Variants in INTS1 observed in about 807,000 individuals in gnomAD.
INTS1 encodes the protein integrator complex subunit 1.
Under a neutral mutation model 241.6 loss-of-function variants are expected in INTS1, and 137 were observed. The observed-to-expected ratio is 0.57, with a 90% CI of 0.49 to 0.65. The LOEUF (loss-of-function observed/expected upper bound fraction) is 0.65. Ranked by LOEUF, INTS1 falls within the 30% of genes least tolerant of loss-of-function variation. The pLI is 0.00. For missense variants in INTS1, 3,073 were observed against 3,032.2 expected (o/e 1.01, Z -0.32); for synonymous variants, 1,692 against 1,337.8 (o/e 1.26, Z -5.78).
Position 1,493,963 on chromosome 7 carries a change from C to A in INTS1, c.1911-52G>T. ...GTGTGGGCTGCCCACACCTGCCAGA[C>A]CTGAGGGGCCGAGGACAGGCCAGCT... On this transcript the variant is annotated intron_variant, in intron 14 of 47. Transcript: ENST00000404767. The surrounding 1 kb of genome is among the most constrained non-coding windows in gnomAD (Gnocchi z 5.3). The A allele has an allele frequency of 6.6e-7, 1 of 1,520,924 alleles. No homozygotes were observed. 94.2% of individuals were successfully genotyped at this position (1,520,924 alleles called of 1,614,324 possible). A position where few individuals can be genotyped will look rare whatever the true frequency, so the allele number is the denominator to read the frequency against.
chr7:1,504,350 C>A lies in INTS1; in HGVS notation c.-69G>T. On this transcript the variant is annotated 5_prime_UTR_variant, in exon 1 of 48. Transcript: ENST00000404767. The stretch of plus-strand genomic sequence containing the variant: ...CTGGCCCATCGCGACCGGAGCGCCG[C>A]CGCCGCCACCCGGCCACCCCGGAAT... 4.0e-6 allele frequency: 2 copies of A among 497,382 alleles called. No homozygotes were observed. The highest frequency in any genetic ancestry group is 3.9e-6 in the Non-Finnish European group (1 of 256,190). The allele number at this position is 497,382 out of a possible 1,614,324, so 30.8% of individuals were successfully genotyped here.
chr7:1,477,439 G>C (rs1002953220), intron 35 of INTS1, 111 bp downstream of exon 35: 12 of 1,243,444 alleles, frequency 9.7e-6, no homozygotes, highest in African/African-American at 7.6e-5. Flanking sequence ...GAGAGCAGGG[G>C]GGGTGCTGGG....
At position 1,484,186 on chromosome 7, in the gene INTS1, G is replaced by A. The variant is rs199497658; in HGVS notation, c.3262-16C>T. The A allele has an allele frequency of 6.3e-7, 1 of 1,597,846 alleles. No individual in the cohort carries two copies. Among genetic ancestry groups the A allele is most frequent in the South Asian group, 1.1e-5 (1 of 90,598 alleles). ...GGGCCACGTCCTGGTGTGTGGACAG[G>A]GGGGCGTCAGAGGCTCCGAGACAGC... On this transcript the variant is annotated splice_polypyrimidine_tract_variant and intron_variant, in intron 24 of 47. Coordinates refer to ENST00000404767, the MANE Select transcript of INTS1 (RefSeq NM_001080453.3).
In INTS1 at chr7:1,470,458, G is replaced by T; in HGVS notation, c.*119C>A. 1 of 752,678 alleles carries T rather than the reference G, an allele frequency of 1.3e-6. No homozygotes were observed. The highest frequency in any genetic ancestry group is 2.0e-6 in the Non-Finnish European group (1 of 491,036). 46.6% of individuals were successfully genotyped at this position (752,678 alleles called of 1,614,324 possible). ...TGCTCCTGGGCCTGCCTGGCCTCAG[G>T]GCTCGGCGCCCTCACCTCCTCGGAC... On this transcript the variant is annotated 3_prime_UTR_variant, in exon 48 of 48. Transcript: ENST00000404767.
At position 1,476,437 on chromosome 7, in the gene INTS1, C is replaced by G. The variant is rs1193962193; in HGVS notation, c.5170G>C (p.Val1724Leu). Residue 1724 changes from valine (V) to leucine (L), a missense_variant, in exon 38 of 48, where the codon GTG (valine) becomes CTG (leucine). Transcript: ENST00000404767. Reference sequence around the variant, plus strand: ...AGCTCCGGGCCCTGGACCCGCAGCACCAGCTCCTCCCGCCGCTTCTGTAAC... The same window carrying G: ...AGCTCCGGGCCCTGGACCCGCAGCAGCAGCTCCTCCCGCCGCTTCTGTAAC... ...RTPQKRREELVLRVQGPELIS... is the reference protein window; with the variant it reads ...RTPQKRREELLLRVQGPELIS... 4 of 1,565,058 alleles carry G rather than the reference C, an allele frequency of 2.6e-6. No individual in the cohort carries two copies. The highest frequency in any genetic ancestry group is 1.7e-4 in the Middle Eastern group (1 of 5,964).
rs1218591100 is a variant in INTS1 at position 1,472,305 on chromosome 7, A to C, written c.6152T>G (p.Met2051Arg). The change falls in exon 44 of 48, where the codon ATG becomes AGG. Residue 2051 changes from methionine (M) to arginine (R), a missense_variant. Met to Arg is a moderately conservative substitution (Grantham distance 91, BLOSUM62 -1). Coordinates refer to ENST00000404767, the MANE Select transcript of INTS1 (RefSeq NM_001080453.3). Reference sequence around the variant, plus strand: ...CGTTTGGCCCCGGGAAAGCCGTTTCATGTAGGGGGCCATCTCGGCCGCGGT... The same window carrying C: ...CGTTTGGCCCCGGGAAAGCCGTTTCCTGTAGGGGGCCATCTCGGCCGCGGT... Reference protein sequence around the residue: ...PLTAAEMAPYMKRLSRGQTVE... With the variant: ...PLTAAEMAPYRKRLSRGQTVE... 2.6e-6 allele frequency: 4 copies of C among 1,565,684 alleles called. No individual in the cohort carries two copies. The highest frequency in any genetic ancestry group is 2.6e-6 in the Non-Finnish European group (3 of 1,155,760).
At chr7:1,504,280 C>T (rs1397114611) in intron 1 of INTS1, 43 bp downstream of exon 1, 2 of 570,368 alleles carry the variant, frequency 3.5e-6, no homozygotes, top group Non-Finnish European at 6.5e-6. Context: ...GAACCAGGCG[C>T]TCGCCCGGCA....
chr7:1,476,119 C>G, intron 38 of INTS1, 48 bp from the exon 39 acceptor site: 1 of 1,528,278 alleles, frequency 6.5e-7, no homozygotes, highest in Non-Finnish European at 8.8e-7. Flanking sequence ...GCCCCAGTGA[C>G]AGGGGTGGGT....
intron 39 of INTS1, 70 bp from the exon 40 acceptor site, chr7:1,474,908 C>A: frequency 1.3e-6 from 2 of 1,513,448 alleles, no homozygotes; most frequent in Non-Finnish European, 8.9e-7. Flanking sequence ...CTCAGCCTGG[C>A]CGCCAGCTGT....
Position 1,489,664 on chromosome 7 carries a change from G to A in INTS1, c.2184C>T (p.Leu728=), listed in dbSNP as rs201374652. Residue 728 remains leucine (L), a synonymous_variant, in exon 17 of 48, where the codon CTC becomes CTT. Coordinates refer to ENST00000404767, the MANE Select transcript of INTS1 (RefSeq NM_001080453.3). The part of the protein sequence containing the change: ...QLPPGYQPPN[L]AISTLYWKAW... Reference sequence around the variant, plus strand: ...CCTTCCAGTAGAGGGTAGAGATGGCGAGGTTCGGAGGCTGGTACCTGGAAG... The same window carrying A: ...CCTTCCAGTAGAGGGTAGAGATGGCAAGGTTCGGAGGCTGGTACCTGGAAG... The A allele has an allele frequency of 4.6e-5, 72 of 1,562,168 alleles. 1 individual carries two copies. The African/African-American group carries it at 6.2e-4, about 14-fold the overall frequency.
chr7:1,503,068 G>A lies in INTS1; in HGVS notation c.182C>T (p.Ala61Val), dbSNP rs780803200. ...CGAGGCACTGGACAACGCGGCCGCC[G>A]CATCCCGCTTGCGCTCAGAAGGCAG... is the stretch of plus-strand genomic sequence containing the variant. ...SGLPSERKRD[A>V]AAALSSASAL... The change falls in exon 3 of 48, where the codon GCG becomes GTG. Residue 61 changes from alanine to valine, a missense_variant. Ala to Val is a moderately conservative substitution (Grantham distance 64, BLOSUM62 0). Transcript: ENST00000404767. The A allele has an allele frequency of 8.7e-6, 14 of 1,612,986 alleles. No individual in the cohort carries two copies. Among genetic ancestry groups the A allele is most frequent in the African/African-American group, 5.3e-5 (4 of 74,912 alleles).
At chr7:1,503,822 G>A in intron 2 of INTS1, 81 bp downstream of exon 2, 1 of 1,004,808 alleles carries the variant, frequency 1.0e-6, no homozygotes, top group Non-Finnish European at 1.5e-6. Context: ...CCCAACGCAG[G>A]ATCCGCGGCA....
In INTS1 at chr7:1,489,619, G is replaced by A. The variant is rs761560711; in HGVS notation, c.2229C>T (p.Val743=). 1.2e-5 allele frequency: 19 copies of A among 1,590,124 alleles called. No individual in the cohort carries two copies. In the East Asian group the frequency reaches 1.4e-4, roughly 11 times the overall value. ...TGTTCTCTGGGTTGAATGCGGCGAC[G>A]ACCAGCAGGAGGGGCCAGGCCTTCC... ...LYWKAWPLLL[V]VAAFNPENIG... Residue 743 remains valine, a synonymous_variant, in exon 17 of 48, where the codon GTC becomes GTT. Coordinates refer to ENST00000404767, the MANE Select transcript of INTS1 (RefSeq NM_001080453.3).
rs752298928 is a variant in INTS1, at chr7:1,497,282, G to C, written c.1458C>G (p.Thr486=). The change falls in exon 11 of 48, where the codon ACC becomes ACG. Residue 486 remains threonine (T), a synonymous_variant. Transcript: ENST00000404767. The surrounding 1 kb of genome is among the most constrained non-coding windows in gnomAD (Gnocchi z 5.3). ...AGGCCCGCAGGTAGTCGTCCTTGTT[G>C]GTCAGCAGGTCCTGGAACACCATGG... ...FLAMVFQDLL[T]NKDDYLRASR... is the part of the protein sequence containing the mutation. The C allele has an allele frequency of 8.7e-6, 14 of 1,613,254 alleles. No homozygotes were observed. In the Admixed American group the frequency reaches 1.2e-4, roughly 13 times the overall value.
At position 1,470,637 on chromosome 7, in the gene INTS1, C is replaced by A; in HGVS notation, c.6513G>T (p.Met2171Ile). The A allele has an allele frequency of 6.3e-7, 1 of 1,587,860 alleles. No individual in the cohort carries two copies. Among genetic ancestry groups the A allele is most frequent in the East Asian group, 2.3e-5 (1 of 43,668 alleles). Reference protein sequence around the residue: ...RAFLVGMYGQMDPSAQISEAL... With the variant: ...RAFLVGMYGQIDPSAQISEAL... ...CCTCGGAGATCTGCGCGCTGGGGTC[C>A]ATCTGGCCGTACATGCCCACCAGGA... is the stretch of plus-strand genomic sequence containing the variant. The change falls in exon 48 of 48, where the codon ATG becomes ATT. Residue 2171 changes from methionine (M) to isoleucine (I), a missense_variant. By Grantham distance (10) the Met-to-Ile change is conservative. Coordinates refer to ENST00000404767, the MANE Select transcript of INTS1 (RefSeq NM_001080453.3).
In INTS1 at chr7:1,489,575, G is replaced by A; in HGVS notation, c.2257+16C>T. Reference sequence around the variant, plus strand: ...CAGGGCCACGTGTGCGCATGGGGCGGCCAGCAGAGGCTCACCGATGTTCTC... The same window carrying A: ...CAGGGCCACGTGTGCGCATGGGGCGACCAGCAGAGGCTCACCGATGTTCTC... On this transcript the variant is annotated intron_variant, in intron 17 of 47. Transcript: ENST00000404767. 1.3e-6 allele frequency: 2 copies of A among 1,561,822 alleles called. No individual in the cohort carries two copies. Among genetic ancestry groups the A allele is most frequent in the Admixed American group, 1.8e-5 (1 of 54,166 alleles).
chr7:1,489,490 C>T, intron 17 of INTS1, 86 bp from the exon 18 acceptor site: 1 of 1,541,958 alleles, frequency 6.5e-7, no homozygotes, highest in African/African-American at 1.4e-5. Flanking sequence ...CTCCTCTCAT[C>T]CCCAGCTGGG....
Position 1,481,265 on chromosome 7 carries a change from C to A in INTS1, c.3850+77G>T. 6.4e-7 allele frequency: 1 copy of A among 1,562,016 alleles called. No individual in the cohort carries two copies. Among genetic ancestry groups the A allele is most frequent in the African/African-American group, 1.4e-5 (1 of 74,016 alleles). On this transcript the variant is annotated intron_variant, in intron 28 of 47. Transcript: ENST00000404767. The surrounding 1 kb of genome is among the most constrained non-coding windows in gnomAD (Gnocchi z 6.8). ...CCTCGGATCACCCACCCGCTCGCAC[C>A]CAGGCCCCAAAAGCCTGGCCGGGCT...
intron 29 of INTS1, 65 bp from the exon 30 acceptor site, chr7:1,480,506 G>C: frequency 6.5e-7 from 1 of 1,544,612 alleles, no homozygotes; most frequent in South Asian, 1.2e-5. Context: ...GGTGGGAACT[G>C]TACAAGCCAT....
Sources: gnomAD v4.1 joint callset for allele counts on GRCh38, gnomAD v4.1.1 for gene constraint, Gnocchi (gnomAD v3.1) non-coding constraint, MANE v1.5 for transcripts, NCBI Gene and HGNC (gene_info 2026-07-23, HGNC 2026-07-21) for gene names.